The following GBP7 variants were observed in gnomAD, a reference collection of about 807,000 sequenced individuals.
GBP7 encodes guanylate binding protein 7.
In GBP7, 43 loss-of-function variants were observed where a neutral mutation model predicts 61.3. The observed-to-expected ratio is 0.70, with a 90% CI of 0.55 to 0.91. GBP7 has a LOEUF of 0.91. Ranked by LOEUF, GBP7 falls within the 40% of genes least tolerant of loss-of-function variation. The probability of loss-of-function intolerance (pLI) is 0.00; values close to 1 mark genes in which losing one functional copy is unlikely to be tolerated. For synonymous variants in GBP7, 267 were observed against 271.0 expected (o/e 0.99, Z 0.14); for missense variants, 717 against 740.5 (o/e 0.97, Z 0.37).
intron 10 of GBP7, 61 bp from the exon 11 acceptor site, chr1:89,132,464 A>G (rs1047972130): frequency 8.0e-7 from 1 of 1,252,750 alleles, no homozygotes. Context: ...CGAGGTTTGT[A>G]TTTAACAATT....
At chr1:89,136,227 A>G (rs1324823811) in intron 9 of GBP7, among the ~76,000 whole-genome samples, 1 of 152,174 alleles carries the variant, frequency 6.6e-6, no homozygotes, top group African/African-American at 2.4e-5. Flanking sequence ...AGTCTTCAAC[A>G]CTCCACTGAC....
intron 9 of GBP7, among the ~76,000 whole-genome samples, chr1:89,140,107 C>T (rs886774315): frequency 6.6e-6 from 1 of 151,848 alleles, no homozygotes; most frequent in Non-Finnish European, 1.5e-5. Flanking sequence ...GAATACTATG[C>T]AGCCATAAAA....
rs1266554628 is a variant in GBP7, at chr1:89,152,472, C to T, written c.429-8G>A. On this transcript the variant is annotated splice_region_variant and splice_polypyrimidine_tract_variant and intron_variant, in intron 4 of 10. Coordinates refer to ENST00000294671, the MANE Select transcript of GBP7 (RefSeq NM_207398.3). ...GTTAGCTCAGTCACGTAGCTGGGATCTCAGCTAAGGAAGGATAGCACCCTA... is the reference window on the plus strand; with the variant it reads ...GTTAGCTCAGTCACGTAGCTGGGATTTCAGCTAAGGAAGGATAGCACCCTA... 3.1e-6 allele frequency: 5 copies of T among 1,613,156 alleles called. No individual in the cohort carries two copies. In the Admixed American group the frequency reaches 8.3e-5, roughly 27 times the overall value.
chr1:89,145,558 A>G (rs1011155222), intron 8 of GBP7, among the ~76,000 whole-genome samples: 1 of 152,180 alleles, frequency 6.6e-6, no homozygotes, highest in Non-Finnish European at 1.5e-5. Flanking sequence ...TCTTTGAGAT[A>G]GTGACTTTAG....
In GBP7 at chr1:89,132,343, T is replaced by C. The variant is rs1291892671; in HGVS notation, c.1723A>G (p.Ile575Val). ...KEIFESLNEE[I>V]NRLKEQIEAA... ...TCAATTTGTTCTTTCAGTCGATTAA[T>C]CTCTTCATTTAACGACTCAAATATC... Residue 575 changes from isoleucine (I) to valine (V), a missense_variant, in exon 11 of 11, where the codon ATT becomes GTT. Ile to Val is a conservative substitution (Grantham distance 29). Around this residue, in one of 3 missense-constraint regions of GBP7, gnomAD observed 312 missense variants for 310.1 expected, o/e 1.01. Coordinates refer to ENST00000294671, the MANE Select transcript of GBP7 (RefSeq NM_207398.3). 1.2e-6 allele frequency: 2 copies of C among 1,613,016 alleles called. No individual in the cohort carries two copies. The highest frequency in any genetic ancestry group is 1.3e-5 in the African/African-American group (1 of 74,930).
At chr1:89,149,256 G>A (rs765654660) in intron 7 of GBP7, 36 bp downstream of exon 7, 6 of 1,551,074 alleles carry the variant, frequency 3.9e-6, no homozygotes, top group Middle Eastern at 2.3e-4. Context: ...TTCCAGAAAG[G>A]CAGGAATCAA....
chr1:89,153,115 C>A (rs891197779), intron 3 of GBP7, among the ~76,000 whole-genome samples: 19 of 152,224 alleles, frequency 1.2e-4, no homozygotes, highest in African/African-American at 4.6e-4. Context: ...TATGAAGTCT[C>A]CTGAATGATG....
intron 8 of GBP7, among the ~76,000 whole-genome samples, chr1:89,147,077 C>A (rs1427328669): frequency 6.6e-6 from 1 of 152,086 alleles, no homozygotes; most frequent in Non-Finnish European, 1.5e-5. Context: ...AATTGATAAT[C>A]CAACAAAATC....
At chr1:89,139,707 G>T (rs563103303) in intron 9 of GBP7, among the ~76,000 whole-genome samples, 2 of 152,194 alleles carry the variant, frequency 1.3e-5, no homozygotes, top group Admixed American at 1.3e-4. Context: ...ATCATCACTG[G>T]CCATCAGAGA....
intron 4 of GBP7, 49 bp from the exon 5 acceptor site, chr1:89,152,513 A>T (rs760247074): frequency 6.3e-7 from 1 of 1,574,864 alleles, no homozygotes; most frequent in South Asian, 1.1e-5. Flanking sequence ...TCATTTCCAC[A>T]TCTCACTTAG....
At chr1:89,163,915 G>T (rs796894099) in intron 3 of GBP7, among the ~76,000 whole-genome samples, 6 of 151,916 alleles carry the variant, frequency 3.9e-5, no homozygotes, top group African/African-American at 1.4e-4. Flanking sequence ...TGTCACTCAG[G>T]CTGGAGTGCA....
intron 6 of GBP7, 121 bp from the exon 7 acceptor site, chr1:89,149,693 T>C (rs1682149073): frequency 1.3e-6 from 1 of 757,198 alleles, no homozygotes; most frequent in East Asian, 2.7e-5. Flanking sequence ...TTTCCCTCCT[T>C]CTCCTTCTTT....
intron 8 of GBP7, among the ~76,000 whole-genome samples, chr1:89,143,269 C>T (rs370671554): frequency 2.6e-5 from 4 of 152,212 alleles, no homozygotes; most frequent in African/African-American, 9.6e-5. Flanking sequence ...ATTACCTGAC[C>T]TGTACTAGGC....
intron 2 of GBP7, among the ~76,000 whole-genome samples, chr1:89,168,484 G>A (rs1000339428): frequency 3.3e-5 from 5 of 152,068 alleles, no homozygotes; most frequent in African/African-American, 1.2e-4. Flanking sequence ...AAAGCAAAAC[G>A]CAAACAAAAG....
At position 89,132,222 on chromosome 1, in the gene GBP7, A is replaced by G. The variant is rs1443222163; in HGVS notation, c.1844T>C (p.Val615Ala). The G allele has an allele frequency of 6.2e-7, 1 of 1,613,678 alleles. No individual in the cohort carries two copies. Among genetic ancestry groups the G allele is most frequent in the Non-Finnish European group, 8.5e-7 (1 of 1,179,758 alleles). ...GCTAAGAATTTTCATTCCTAAATCA[A>G]CTAGCTTAGCAGCCCCAGGTAGTGC... ...IAALPGAAKL[V>A]DLGMKILSSL... Residue 615 changes from valine (V) to alanine (A), a missense_variant, in exon 11 of 11, where the codon GTT becomes GCT. Physicochemically the swap from Val to Ala is moderately conservative, Grantham distance 64. This residue lies in a region of GBP7 where 312 missense variants were observed against 310.1 expected (regional missense o/e 1.01). Transcript: ENST00000294671.
intron 3 of GBP7, among the ~76,000 whole-genome samples, chr1:89,158,418 T>C (rs570145488): frequency 1.7e-4 from 26 of 152,284 alleles, no homozygotes; most frequent in Admixed American, 5.9e-4. Context: ...GGAAATCAAA[T>C]TGTCCCTGTT....
chr1:89,152,863 A>G, intron 3 of GBP7, 86 bp from the exon 4 acceptor site: 2 of 1,025,816 alleles, frequency 1.9e-6, no homozygotes, highest in Non-Finnish European at 2.8e-6. Context: ...TGTAACCAAA[A>G]CTGAAGTCAT....
At chr1:89,160,049 A>G (rs1193644139) in intron 3 of GBP7, among the ~76,000 whole-genome samples, 1 of 152,234 alleles carries the variant, frequency 6.6e-6, no homozygotes, top group African/African-American at 2.4e-5. Context: ...GGATGAGTTC[A>G]TGTCCTTTGC....
At chr1:89,159,413 A>C (rs1285157945) in intron 3 of GBP7, among the ~76,000 whole-genome samples, 2 of 152,246 alleles carry the variant, frequency 1.3e-5, no homozygotes, top group Non-Finnish European at 2.9e-5. Flanking sequence ...GTACCATCAG[A>C]GTGAACAGGC....
Sources: gnomAD v4.1 joint callset for allele counts (sites outside exome capture counted in the v4.1 genomes callset) on GRCh38, gnomAD v4.1.1 for gene constraint, gnomAD v4.1.1 regional missense constraint, MANE v1.5 for transcripts, NCBI Gene and HGNC (gene_info 2026-07-23, HGNC 2026-07-21) for gene names.